Variants in ZDHHC7 observed in about 807,000 individuals in gnomAD.
ZDHHC7 encodes zDHHC palmitoyltransferase 7, also known as palmitoyltransferase ZDHHC7.
A neutral mutation model predicts 34.1 loss-of-function variants in ZDHHC7; 12 were observed. The observed-to-expected ratio is 0.35, with a 90% CI of 0.23 to 0.57. The LOEUF (loss-of-function observed/expected upper bound fraction) is 0.57, where lower values mean the gene tolerates loss of function less well. Among genes scored for constraint, ZDHHC7 ranks in the 20% least tolerant of loss-of-function variants. The pLI is 0.84. For missense variants in ZDHHC7, 388 were observed against 402.7 expected (o/e 0.96, Z 0.31); for synonymous variants, 185 against 155.4 (o/e 1.19, Z -1.42).
chr16:85,018,340 G>A, the ZDHHC7 span, among the ~76,000 whole-genome samples: 2 of 152,174 alleles, frequency 1.3e-5, no homozygotes, highest in South Asian at 2.1e-4. Context: ...CTGAAGGGAA[G>A]GGAGCGTGGG....
chr16:85,025,956 A>G, the ZDHHC7 span, among the ~76,000 whole-genome samples: 1 of 152,172 alleles, frequency 6.6e-6, no homozygotes, highest in African/African-American at 2.4e-5. Flanking sequence ...TCCAGGCCCA[A>G]TGTCAGGTTC....
chr16:85,024,974 T>G, the ZDHHC7 span, among the ~76,000 whole-genome samples: 1 of 152,112 alleles, frequency 6.6e-6, no homozygotes, highest in Admixed American at 6.5e-5. Flanking sequence ...GAGGACACTC[T>G]GTAAAAAGAA....
At chr16:84,986,926 A>G (rs1597540884) in intron 3 of ZDHHC7, among the ~76,000 whole-genome samples, 1 of 152,080 alleles carries the variant, frequency 6.6e-6, no homozygotes, top group East Asian at 1.9e-4. Flanking sequence ...TCAACTCCCC[A>G]CTGGGAGAAC....
chr16:84,975,527 G>A lies in ZDHHC7; in HGVS notation c.*816C>T, dbSNP rs1033043444. On this transcript the variant is annotated 3_prime_UTR_variant, in exon 8 of 8. Coordinates refer to ENST00000313732, the MANE Select transcript of ZDHHC7 (RefSeq NM_017740.3). ...AATGAAAGCAGGAGGGCAACGAAGG[G>A]CCGCACAGGAACGGCTGTTCTTTGG... is the stretch of plus-strand genomic sequence containing the variant. 1 of 152,648 alleles carries A rather than the reference G, an allele frequency of 6.6e-6. No individual in the cohort carries two copies. Among genetic ancestry groups the A allele is most frequent in the Non-Finnish European group, 1.5e-5 (1 of 68,056 alleles). 9.5% of individuals were successfully genotyped at this position (152,648 alleles called of 1,614,324 possible).
intron 1 of ZDHHC7, among the ~76,000 whole-genome samples, chr16:84,998,461 C>G (rs919531312): frequency 6.6e-6 from 1 of 152,146 alleles, no homozygotes; most frequent in Non-Finnish European, 1.5e-5. Flanking sequence ...CTTTTTCTGC[C>G]TGAGTCAACC....
chr16:85,002,067 C>T (rs1004169353), intron 1 of ZDHHC7, among the ~76,000 whole-genome samples: 11 of 152,050 alleles, frequency 7.2e-5, no homozygotes, highest in Admixed American at 3.3e-4. Flanking sequence ...TCCCAATGGC[C>T]AAAGCTTTTT....
rs1002009129 is a variant in ZDHHC7, at chr16:84,975,854, C to T, written c.*489G>A. 5.9e-6 allele frequency: 1 copy of T among 168,464 alleles called. No homozygotes were observed. The highest frequency in any genetic ancestry group is 1.3e-5 in the Non-Finnish European group (1 of 79,010). The allele number at this position is 168,464 out of a possible 1,614,324, so 10.4% of individuals were successfully genotyped here. ...TCAGTGCACAGATCTTTTGCAACTT[C>T]AGTGCAAAGCATCGGAGCTAATCGA... On this transcript the variant is annotated 3_prime_UTR_variant, in exon 8 of 8. Transcript: ENST00000313732.
chr16:85,015,149 G>C (rs1434093744), upstream of ZDHHC7, among the ~76,000 whole-genome samples: 1 of 151,476 alleles, frequency 6.6e-6, no homozygotes, highest in African/African-American at 2.4e-5. Context: ...ACCCAGGCTG[G>C]AGTGCAATGT....
In ZDHHC7 at chr16:84,986,188, T is replaced by C. The variant is rs78502803; in HGVS notation, c.315+4116A>G. Among the ~76,000 whole-genome samples, 1,025 of 152,248 alleles carry C rather than the reference T, an allele frequency of 6.7e-3. 15 individuals are homozygous for C. Among genetic ancestry groups the C allele is most frequent in the African/African-American group, 0.023 (971 of 41,562 alleles). On this transcript the variant is annotated intron_variant, in intron 3 of 7. Coordinates refer to ENST00000313732, the MANE Select transcript of ZDHHC7 (RefSeq NM_017740.3). The stretch of plus-strand genomic sequence containing the variant: ...TGGGCGAGGCCACCACATGATGTGG[T>C]GACAAGCTCAAGGTGGAGCGCTCTT...
Position 84,975,857 on chromosome 16 carries a change from T to C in ZDHHC7, c.*486A>G, listed in dbSNP as rs3210967. The C allele has an allele frequency of 0.28, 46,792 of 166,862 alleles. 7,539 individuals are homozygous for C. Among genetic ancestry groups the C allele is most frequent in the East Asian group, 0.51 (2,656 of 5,230 alleles). The allele number at this position is 166,862 out of a possible 1,614,324, so 10.3% of individuals were successfully genotyped here. ...GTGCACAGATCTTTTGCAACTTCAGTGCAAAGCATCGGAGCTAATCGAGAC... is the reference window on the plus strand; with the variant it reads ...GTGCACAGATCTTTTGCAACTTCAGCGCAAAGCATCGGAGCTAATCGAGAC... On this transcript the variant is annotated 3_prime_UTR_variant, in exon 8 of 8. Transcript: ENST00000313732.
upstream of ZDHHC7, chr16:85,011,565 G>T (rs1369232009): frequency 1.3e-5 from 2 of 152,270 alleles, no homozygotes; most frequent in Non-Finnish European, 2.9e-5. Context: ...ACGTCACGCC[G>T]GCGCAGTTCC....
chr16:85,021,281 G>C, the ZDHHC7 span, among the ~76,000 whole-genome samples: 1 of 151,110 alleles, frequency 6.6e-6, no homozygotes, highest in Admixed American at 6.6e-5. Flanking sequence ...GTGTGGTGGC[G>C]CACACCTTTA....
chr16:85,027,622 CG>C, the ZDHHC7 span: 1 of 152,190 alleles, frequency 6.6e-6, no homozygotes, highest in Non-Finnish European at 1.5e-5. Flanking sequence ...GGGCAGGCCT[CG>C]GGCCCCTCAG....
chr16:85,010,373 T>G (rs765491491), intron 1 of ZDHHC7, among the ~76,000 whole-genome samples: 1 of 152,166 alleles, frequency 6.6e-6, no homozygotes, highest in Non-Finnish European at 1.5e-5. Flanking sequence ...ATGTAAACAC[T>G]GTAAAACATA....
At chr16:85,016,688 G>A in the ZDHHC7 span, among the ~76,000 whole-genome samples, 1 of 151,074 alleles carries the variant, frequency 6.6e-6, no homozygotes, top group South Asian at 2.1e-4. Context: ...GGCTAGTCTT[G>A]AACTCAAGCG....
chr16:85,012,809 G>A (rs2072811656), upstream of ZDHHC7, among the ~76,000 whole-genome samples: 1 of 152,142 alleles, frequency 6.6e-6, no homozygotes, highest in Non-Finnish European at 1.5e-5. Context: ...GGAGGCTGAG[G>A]CAGGAGAAAC....
intron 1 of ZDHHC7, among the ~76,000 whole-genome samples, chr16:85,004,407 T>A (rs764690408): frequency 2.6e-5 from 4 of 152,084 alleles, no homozygotes; most frequent in Admixed American, 6.6e-5. Context: ...ATGCCTCTGC[T>A]CACCCAACAG....
chr16:85,002,637 G>A (rs1382728574), intron 1 of ZDHHC7, among the ~76,000 whole-genome samples: 3 of 151,964 alleles, frequency 2.0e-5, no homozygotes, highest in African/African-American at 7.3e-5. Context: ...TCCTGGGTGG[G>A]ATCCTGGGAC....
chr16:84,979,835 T>TA (rs1398127330), intron 4 of ZDHHC7, among the ~76,000 whole-genome samples: 1 of 151,950 alleles, frequency 6.6e-6, no homozygotes, highest in Non-Finnish European at 1.5e-5. Flanking sequence ...CAATTTTAAA[T>TA]AACTAATTTG....
Sources: allele counts gnomAD v4.1 joint callset (sites outside exome capture counted in the v4.1 genomes callset), GRCh38; gene constraint gnomAD v4.1.1; transcripts MANE v1.5; gene names NCBI Gene and HGNC (gene_info 2026-07-23, HGNC 2026-07-21).